CATSPERT: variants seen among roughly 807,000 people sequenced by gnomAD.
CATSPERT encodes the protein catsper channel auxiliary subunit tau, also known as cation channel sperm-associated targeting subunit tau.
the CATSPERT span, chr2:201,601,920 T>C: frequency 6.7e-7 from 1 of 1,492,334 alleles, no homozygotes; most frequent in Non-Finnish European, 9.2e-7. Context: ...ATAAATTTTG[T>C]TGTAATTGAA....
the CATSPERT span, among the ~76,000 whole-genome samples, chr2:201,594,912 C>A: frequency 6.6e-6 from 1 of 152,128 alleles, no homozygotes; most frequent in Non-Finnish European, 1.5e-5. Flanking sequence ...AACTTCTTTG[C>A]CTTTGTTTGA....
the CATSPERT span, among the ~76,000 whole-genome samples, chr2:201,616,208 G>C: frequency 6.6e-6 from 1 of 152,160 alleles, no homozygotes; most frequent in African/African-American, 2.4e-5. Context: ...TTTATTTTAT[G>C]AGGCCAACAT....
At chr2:201,571,796 C>T in the CATSPERT span, 1 of 624,860 alleles carries the variant, frequency 1.6e-6, no homozygotes, top group Non-Finnish European at 2.8e-6. Context: ...CAATTCACTA[C>T]TCTCTTCACC....
At chr2:201,573,394 G>A in the CATSPERT span, among the ~76,000 whole-genome samples, 1 of 152,206 alleles carries the variant, frequency 6.6e-6, no homozygotes, top group African/African-American at 2.4e-5. Context: ...AGGACCATAT[G>A]AGTACAAAAT....
the CATSPERT span, among the ~76,000 whole-genome samples, chr2:201,600,477 C>T: frequency 6.6e-6 from 1 of 152,056 alleles, no homozygotes; most frequent in Non-Finnish European, 1.5e-5. Flanking sequence ...AGGAGAAATA[C>T]CTAATGTAAA....
chr2:201,600,075 C>T, the CATSPERT span, among the ~76,000 whole-genome samples: 1 of 152,066 alleles, frequency 6.6e-6, no homozygotes, highest in Non-Finnish European at 1.5e-5. Context: ...ACCCAGCGAT[C>T]CCATTACTGG....
At chr2:201,535,008 T>G in the CATSPERT span, 1 of 529,172 alleles carries the variant, frequency 1.9e-6, no homozygotes, top group Non-Finnish European at 2.4e-6. Flanking sequence ...ATAAAATTGT[T>G]AAATCTAGCA....
the CATSPERT span, chr2:201,537,313 C>T: frequency 1.3e-6 from 1 of 742,264 alleles, no homozygotes; most frequent in Non-Finnish European, 2.1e-6. Flanking sequence ...ATAATAGAAA[C>T]CATAAAACAA....
the CATSPERT span, among the ~76,000 whole-genome samples, chr2:201,618,465 A>G: frequency 6.6e-6 from 1 of 151,406 alleles, no homozygotes; most frequent in Admixed American, 6.6e-5. Context: ...CAAGGACAGA[A>G]AACCAAACAC....
chr2:201,534,961 G>T, the CATSPERT span: 1 of 395,848 alleles, frequency 2.5e-6, no homozygotes, highest in Non-Finnish European at 3.4e-6. Context: ...ATTCATAAAA[G>T]ATATATGTAC....
the CATSPERT span, among the ~76,000 whole-genome samples, chr2:201,527,638 G>T: frequency 1.3e-5 from 2 of 151,994 alleles, no homozygotes; most frequent in African/African-American, 2.4e-5. Context: ...TGACAAAGTC[G>T]ACAATAACAA....
chr2:201,521,407 A>G, the CATSPERT span, among the ~76,000 whole-genome samples: 1 of 149,262 alleles, frequency 6.7e-6, no homozygotes, highest in South Asian at 2.2e-4. Context: ...CCTTCTTCAC[A>G]TGGTGGCAGG....
the CATSPERT span, among the ~76,000 whole-genome samples, chr2:201,593,345 A>G: frequency 4.6e-5 from 7 of 151,500 alleles, no homozygotes; most frequent in African/African-American, 1.5e-4. Flanking sequence ...TGGTCTGAGA[A>G]ATAGTTTGTT....
the CATSPERT span, chr2:201,494,762 G>A: frequency 1.4e-6 from 2 of 1,481,348 alleles, no homozygotes; most frequent in Admixed American, 2.5e-5. Context: ...TTCTGAAACT[G>A]CAATATTAAA....
chr2:201,571,711 T>A, the CATSPERT span, among the ~76,000 whole-genome samples: 1 of 152,170 alleles, frequency 6.6e-6, no homozygotes. Context: ...TCTTCTTTTA[T>A]CTCCATACGT....
chr2:201,590,994 C>A, the CATSPERT span, among the ~76,000 whole-genome samples: 8 of 152,142 alleles, frequency 5.3e-5, no homozygotes, highest in Non-Finnish European at 1.0e-4. Context: ...TTAATTAGAT[C>A]CCATTTGTCA....
At chr2:201,614,309 G>C in the CATSPERT span, among the ~76,000 whole-genome samples, 22 of 152,198 alleles carry the variant, frequency 1.4e-4, no homozygotes, top group Non-Finnish European at 2.4e-4. Flanking sequence ...CAGCCAGAGA[G>C]AAAGGTCGGG....
chr2:201,583,543 T>A, the CATSPERT span, among the ~76,000 whole-genome samples: 1 of 152,314 alleles, frequency 6.6e-6, no homozygotes, highest in East Asian at 1.9e-4. Flanking sequence ...TATTTTGTCA[T>A]AACATAAACA....
the CATSPERT span, among the ~76,000 whole-genome samples, chr2:201,489,937 A>G: frequency 1.3e-5 from 2 of 151,474 alleles, no homozygotes; most frequent in African/African-American, 2.4e-5. Flanking sequence ...GCTCACTGCA[A>G]CCTCTGCCTC....
Sources: gnomAD v4.1 joint callset for allele counts (sites outside exome capture counted in the v4.1 genomes callset) on GRCh38, gnomAD v4.1.1 for gene constraint, MANE v1.5 for transcripts, NCBI Gene and HGNC (gene_info 2026-07-23, HGNC 2026-07-21) for gene names.